The following GNAQ variants were observed in gnomAD, a reference collection of about 807,000 sequenced individuals.
GNAQ encodes guanine nucleotide-binding protein G(q) subunit alpha.
In GNAQ, 8 loss-of-function variants were observed where a neutral mutation model predicts 43.9. That is an observed-to-expected ratio of 0.18 (90% CI 0.11 to 0.33). GNAQ has a LOEUF of 0.33. Among genes scored for constraint, GNAQ ranks in the 10% least tolerant of loss-of-function variants. The probability of loss-of-function intolerance (pLI) is 1.00; values close to 1 mark genes in which losing one functional copy is unlikely to be tolerated. For missense variants in GNAQ, 158 were observed against 450.8 expected, an observed-to-expected ratio of 0.35 and a Z score of 5.88; for synonymous variants, 155 against 170.7, an observed-to-expected ratio of 0.91 and a Z score of 0.71.
Position 77,993,845 on chromosome 9 carries a change from C to G in GNAQ, c.136+37255G>C, listed in dbSNP as rs372570566. Among the ~76,000 whole-genome samples the G allele has an allele frequency of 1.0e-3, 152 of 152,168 alleles. 3 individuals carry two copies. The South Asian group carries it at 0.031, about 31-fold the overall frequency. ...ATATGAACACATAACTGTAAAATAT[C>G]ATTTTGAAATGATTTATATAGAGCT... On this transcript the variant is annotated intron_variant, in intron 1 of 6. Transcript: ENST00000286548.
At chr9:77,941,905 C>G (rs1195366983) in intron 1 of GNAQ, among the ~76,000 whole-genome samples, 1 of 104,396 alleles carries the variant, frequency 9.6e-6, no homozygotes, top group Non-Finnish European at 1.9e-5. Flanking sequence ...ATACAACATA[C>G]ATACACACAC....
chr9:77,796,497 TAA>T (rs1826661004), intron 4 of GNAQ, among the ~76,000 whole-genome samples: 1 of 152,204 alleles, frequency 6.6e-6, no homozygotes, highest in Non-Finnish European at 1.5e-5. Flanking sequence ...GATTGCATAA[TAA>T]GAGATTGAAT....
intron 1 of GNAQ, among the ~76,000 whole-genome samples, chr9:78,009,784 G>A (rs1478245149): frequency 6.6e-6 from 1 of 152,028 alleles, no homozygotes; most frequent in Non-Finnish European, 1.5e-5. Flanking sequence ...CCAGAATTAG[G>A]ATGAAATTCA....
chr9:77,765,707 CA>C (rs1826124799), intron 5 of GNAQ, among the ~76,000 whole-genome samples: 1 of 152,162 alleles, frequency 6.6e-6, no homozygotes, highest in African/African-American at 2.4e-5. Context: ...GGCAATTCAT[CA>C]AAAAGTAAAA....
chr9:77,903,226 A>G (rs975778851), intron 2 of GNAQ, among the ~76,000 whole-genome samples: 1 of 152,140 alleles, frequency 6.6e-6, no homozygotes, highest in East Asian at 1.9e-4. Context: ...ATCCCACTCC[A>G]TAAGTGGACT....
At chr9:77,919,948 G>A (rs545183593) in intron 2 of GNAQ, among the ~76,000 whole-genome samples, 2 of 152,162 alleles carry the variant, frequency 1.3e-5, no homozygotes, top group Non-Finnish European at 2.9e-5. Context: ...AAGATCACCT[G>A]GTCAACATGG....
chr9:77,833,496 C>A (rs976158433), intron 2 of GNAQ, among the ~76,000 whole-genome samples: 4 of 152,194 alleles, frequency 2.6e-5, no homozygotes, highest in African/African-American at 9.7e-5. Flanking sequence ...GGAAAAGCTT[C>A]TTGTTGCTTT....
chr9:77,777,613 T>C (rs1826323291), intron 5 of GNAQ, among the ~76,000 whole-genome samples: 1 of 152,066 alleles, frequency 6.6e-6, no homozygotes, highest in East Asian at 1.9e-4. Flanking sequence ...GTCTCCTTTA[T>C]ATAAAGGACT....
intron 1 of GNAQ, among the ~76,000 whole-genome samples, chr9:77,964,708 GA>G (rs1017296569): frequency 1.3e-5 from 2 of 151,620 alleles, no homozygotes; most frequent in Non-Finnish European, 2.9e-5. Context: ...TAACACATAA[GA>G]AAAAAATCAA....
At chr9:77,938,614 T>C (rs563977048) in intron 1 of GNAQ, among the ~76,000 whole-genome samples, 1 of 152,290 alleles carries the variant, frequency 6.6e-6, no homozygotes, top group Non-Finnish European at 1.5e-5. Context: ...GTGGCTGTAG[T>C]CTGTGCTGCA....
At chr9:78,027,819 G>T (rs1824001124) in intron 1 of GNAQ, among the ~76,000 whole-genome samples, 2 of 150,356 alleles carry the variant, frequency 1.3e-5, no homozygotes, top group Admixed American at 1.3e-4. Context: ...ATCAATTAAA[G>T]GGGTTTACTA....
chr9:77,915,211 AAGG>A (rs1251480415), intron 2 of GNAQ, among the ~76,000 whole-genome samples: 1 of 152,204 alleles, frequency 6.6e-6, no homozygotes, highest in Non-Finnish European at 1.5e-5. Flanking sequence ...ACAGCCAGAT[AAGG>A]AGATTTCTGT....
rs766886956 is a variant in GNAQ at position 77,719,417 on chromosome 9, G to C, written c.*1906C>G. The C allele has an allele frequency of 8.6e-6, 2 of 232,508 alleles. No homozygotes were observed. The highest frequency in any genetic ancestry group is 6.1e-5 in the East Asian group (1 of 16,508). The allele number at this position is 232,508 out of a possible 1,614,324, so 14.4% of individuals were successfully genotyped here. On this transcript the variant is annotated 3_prime_UTR_variant, in exon 7 of 7. Coordinates refer to ENST00000286548, the MANE Select transcript of GNAQ (RefSeq NM_002072.5). The stretch of plus-strand genomic sequence containing the variant: ...CAGGCAGTCTGTTTGTTAAATTACA[G>C]GTACTTTCTGAGCAAGGGAAAAAAA...
chr9:77,784,119 T>C (rs1270368117), intron 5 of GNAQ, among the ~76,000 whole-genome samples: 2 of 151,620 alleles, frequency 1.3e-5, no homozygotes, highest in African/African-American at 2.4e-5. Context: ...TGTTTTTTTT[T>C]CCTACAAAAA....
At chr9:77,936,717 T>C (rs1829238070) in intron 1 of GNAQ, among the ~76,000 whole-genome samples, 1 of 152,184 alleles carries the variant, frequency 6.6e-6, no homozygotes, top group African/African-American at 2.4e-5. Flanking sequence ...ACCCCCGCAC[T>C]CACACCACAC....
At chr9:77,932,776 A>T (rs1829170671) in intron 1 of GNAQ, among the ~76,000 whole-genome samples, 1 of 152,206 alleles carries the variant, frequency 6.6e-6, no homozygotes, top group Admixed American at 6.5e-5. Context: ...CAGCCTTGGA[A>T]AGTCTGAACC....
At chr9:78,004,383 C>A (rs1318453485) in intron 1 of GNAQ, among the ~76,000 whole-genome samples, 1 of 152,038 alleles carries the variant, frequency 6.6e-6, no homozygotes, top group Non-Finnish European at 1.5e-5. Context: ...TCTCTGGACC[C>A]ATGCCAACAG....
chr9:77,966,216 T>C (rs779273893), intron 1 of GNAQ, among the ~76,000 whole-genome samples: 1 of 152,118 alleles, frequency 6.6e-6, no homozygotes, highest in Non-Finnish European at 1.5e-5. Flanking sequence ...CCTTCAGGTT[T>C]GATGAATATA....
chr9:77,797,646 T>C lies in GNAQ; in HGVS notation c.479A>G (p.Tyr160Cys). The part of the protein sequence containing the change: ...EYQLSDSTKY[Y>C]LNDLDRVADP... ...AGCTACGCGGTCCAAGTCATTAAGA[T>C]AGCTAGAGGAGGGAAGACACAATGA... is the stretch of plus-strand genomic sequence containing the variant. The change falls in exon 4 of 7, where the codon TAT (tyrosine) becomes TGT (cysteine). Residue 160 changes from tyrosine (Y) to cysteine (C), a missense_variant and splice_region_variant. Physicochemically the swap from Tyr to Cys is radical, Grantham distance 194 (BLOSUM62 -2). This residue lies in a region of GNAQ where 14 missense variants were observed against 16.3 expected (regional missense o/e 0.86). Transcript: ENST00000286548. The C allele has an allele frequency of 6.2e-7, 1 of 1,613,288 alleles. No homozygotes were observed. The highest frequency in any genetic ancestry group is 8.5e-7 in the Non-Finnish European group (1 of 1,179,600).
Sources: gnomAD v4.1 joint callset for allele counts (sites outside exome capture counted in the v4.1 genomes callset) on GRCh38, gnomAD v4.1.1 for gene constraint, gnomAD v4.1.1 regional missense constraint, MANE v1.5 for transcripts, NCBI Gene and HGNC (gene_info 2026-07-23, HGNC 2026-07-21) for gene names.